Variants in TNNI3K observed in about 807,000 individuals in gnomAD.
The protein encoded by TNNI3K is TNNI3 interacting kinase.
In TNNI3K, 140 loss-of-function variants were observed where a neutral mutation model predicts 114.5. That is an observed-to-expected ratio of 1.22 (90% confidence interval 1.07 to 1.41). TNNI3K has a LOEUF of 1.41. TNNI3K is among the 40% of genes most tolerant of loss of function. The probability of loss-of-function intolerance (pLI) is 0.00; values close to 1 mark genes in which losing one functional copy is unlikely to be tolerated. For missense variants in TNNI3K, 1,125 were observed against 1,007.6 expected, an observed-to-expected ratio of 1.12 and a Z score of -1.58; for synonymous variants, 347 against 347.5, an observed-to-expected ratio of 1.00 and a Z score of 0.02.
chr1:74,519,565 G>A (rs1275927191), intron 23 of TNNI3K, among the ~76,000 whole-genome samples: 1 of 126,204 alleles, frequency 7.9e-6, no homozygotes, highest in Non-Finnish European at 1.5e-5. Flanking sequence ...ACTTTTTAAT[G>A]ATTGCCTTAC....
chr1:74,238,493 A>G (rs1653994005), intron 2 of TNNI3K, among the ~76,000 whole-genome samples: 1 of 152,104 alleles, frequency 6.6e-6, no homozygotes, highest in Non-Finnish European at 1.5e-5. Context: ...GACTTATCAT[A>G]AAGTGAGAGT....
chr1:74,281,890 T>G (rs1284406593), intron 5 of TNNI3K, among the ~76,000 whole-genome samples: 2 of 152,172 alleles, frequency 1.3e-5, no homozygotes, highest in African/African-American at 2.4e-5. Context: ...TTTGCTTCCC[T>G]TCTGATAATT....
chr1:74,304,016 G>A (rs1658479693), intron 5 of TNNI3K, among the ~76,000 whole-genome samples: 1 of 152,170 alleles, frequency 6.6e-6, no homozygotes, highest in Non-Finnish European at 1.5e-5. Flanking sequence ...GATTGGATGA[G>A]GAATTCTTCT....
At chr1:74,434,508 T>A (rs1666035732) in intron 17 of TNNI3K, among the ~76,000 whole-genome samples, 1 of 151,910 alleles carries the variant, frequency 6.6e-6, no homozygotes, top group Non-Finnish European at 1.5e-5. Context: ...TTTATACACT[T>A]ACTAACTGAC....
At chr1:74,309,104 C>T (rs1430539295) in intron 5 of TNNI3K, among the ~76,000 whole-genome samples, 3 of 151,924 alleles carry the variant, frequency 2.0e-5, no homozygotes, top group Admixed American at 2.0e-4. Flanking sequence ...CGCGGTGGCT[C>T]ACGCCTGTAA....
At chr1:74,418,395 G>GCTCATTCTA (rs1207538783) in intron 17 of TNNI3K, 1 of 165,638 alleles carries the variant, frequency 6.0e-6, no homozygotes, top group Non-Finnish European at 1.3e-5. Flanking sequence ...TATTTAGACA[G>GCTCATTCTA]CTCATTCTAA....
chr1:74,485,832 A>T (rs1387263509), intron 21 of TNNI3K, among the ~76,000 whole-genome samples: 1 of 152,168 alleles, frequency 6.6e-6, no homozygotes, highest in East Asian at 1.9e-4. Flanking sequence ...TGGGCAACAG[A>T]TGGCAAGAAA....
At chr1:74,483,557 G>A (rs548711598) in intron 21 of TNNI3K, among the ~76,000 whole-genome samples, 5 of 152,318 alleles carry the variant, frequency 3.3e-5, no homozygotes, top group African/African-American at 1.2e-4. Context: ...AAACTGAAAT[G>A]TTAAAGCATT....
At chr1:74,402,767 GC>G (rs1664432151) in intron 17 of TNNI3K, among the ~76,000 whole-genome samples, 1 of 152,220 alleles carries the variant, frequency 6.6e-6, no homozygotes, top group Admixed American at 6.5e-5. Context: ...TCTAGAGTAA[GC>G]TTGTCCACCC....
At chr1:74,346,659 T>C (rs1661013147) in intron 9 of TNNI3K, among the ~76,000 whole-genome samples, 1 of 149,532 alleles carries the variant, frequency 6.7e-6, no homozygotes, top group Non-Finnish European at 1.5e-5. Flanking sequence ...CATGTGTGCA[T>C]CTAGAATGCC....
chr1:74,436,112 C>G lies in TNNI3K; in HGVS notation c.1805C>G (p.Ala602Gly). ...HNILLYEDGH[A>G]VVADFGESRF... Reference sequence around the variant, plus strand: ...ATTCTTCTCTATGAGGATGGGCATGCTGTGGTGGCAGATTTTGGAGGTGAG... The same window carrying G: ...ATTCTTCTCTATGAGGATGGGCATGGTGTGGTGGCAGATTTTGGAGGTGAG... The change falls in exon 18 of 25, where the codon GCT becomes GGT. Residue 602 changes from alanine (A) to glycine (G), a missense_variant. Transcript: ENST00000326637. 1 of 1,599,354 alleles carries G rather than the reference C, an allele frequency of 6.3e-7. No homozygotes were observed. Among genetic ancestry groups the G allele is most frequent in the Non-Finnish European group, 8.5e-7 (1 of 1,175,846 alleles).
chr1:74,478,684 CT>C (rs1428285297), intron 21 of TNNI3K, among the ~76,000 whole-genome samples: 1 of 152,134 alleles, frequency 6.6e-6, no homozygotes, highest in Non-Finnish European at 1.5e-5. Flanking sequence ...GTGAGTATAC[CT>C]GTTTCACTTT....
chr1:74,372,461 C>T (rs1278008747), intron 17 of TNNI3K: 1 of 151,842 alleles, frequency 6.6e-6, no homozygotes, highest in Non-Finnish European at 1.5e-5. Flanking sequence ...AAATAAGTCT[C>T]AATCTATTTA....
At chr1:74,240,151 G>A (rs938415837) in intron 2 of TNNI3K, 5 of 212,478 alleles carry the variant, frequency 2.4e-5, no homozygotes, top group African/African-American at 1.1e-4. Context: ...ACTAGTATAT[G>A]TGTTCATTAA....
chr1:74,301,170 C>T (rs543875303), intron 5 of TNNI3K, among the ~76,000 whole-genome samples: 29 of 152,204 alleles, frequency 1.9e-4, no homozygotes, highest in Admixed American at 1.8e-3. Context: ...GAGGCTGAGA[C>T]GGCGGGATCA....
chr1:74,250,798 G>T (rs369640177), intron 4 of TNNI3K, 29 bp downstream of exon 4: 2 of 1,481,208 alleles, frequency 1.4e-6, no homozygotes, highest in Non-Finnish European at 1.8e-6. Context: ...CATAAACACT[G>T]CATTGGAACT....
chr1:74,328,477 G>A (rs938495212), intron 5 of TNNI3K, among the ~76,000 whole-genome samples: 1 of 152,002 alleles, frequency 6.6e-6, no homozygotes, highest in Admixed American at 6.6e-5. Context: ...TACTCCAAAG[G>A]TCATACAAAT....
chr1:74,249,553 T>A lies in TNNI3K; in HGVS notation c.235+9T>A. 6.2e-7 allele frequency: 1 copy of A among 1,612,956 alleles called. No individual in the cohort carries two copies. Among genetic ancestry groups the A allele is most frequent in the Non-Finnish European group, 8.5e-7 (1 of 1,179,480 alleles). ...ATGTTGCATTTGTGGAGGTGAGTAC[T>A]TGAAACTTAGTACTTCTTAAACTGG... On this transcript the variant is annotated intron_variant, in intron 3 of 24. Coordinates refer to ENST00000326637, the MANE Select transcript of TNNI3K (RefSeq NM_015978.3).
intron 17 of TNNI3K, among the ~76,000 whole-genome samples, chr1:74,428,026 G>A (rs961701482): frequency 1.3e-5 from 2 of 151,878 alleles, no homozygotes; most frequent in Middle Eastern, 3.2e-3. Flanking sequence ...CCCACTGGCA[G>A]TGGGACAAAT....
Sources: gnomAD v4.1 joint callset for allele counts (sites outside exome capture counted in the v4.1 genomes callset) on GRCh38, gnomAD v4.1.1 for gene constraint, MANE v1.5 for transcripts, NCBI Gene and HGNC (gene_info 2026-07-23, HGNC 2026-07-21) for gene names.